NEGR1: variants seen among roughly 807,000 people sequenced by gnomAD.
The protein encoded by NEGR1 is neuronal growth regulator 1.
Under a neutral mutation model 40.9 loss-of-function variants are expected in NEGR1, and 10 were observed. That is an observed-to-expected ratio of 0.24 (90% confidence interval 0.15 to 0.42). NEGR1 has a LOEUF of 0.42. Ranked by LOEUF, NEGR1 falls within the 10% of genes least tolerant of loss-of-function variation. NEGR1 has a pLI of 1.00. For synonymous variants in NEGR1, 185 were observed against 166.8 expected (o/e 1.11, Z -0.84); for missense variants, 352 against 438.9 (o/e 0.80, Z 1.77).
intron 6 of NEGR1, among the ~76,000 whole-genome samples, chr1:71,588,090 G>GTTT (rs1649366779): frequency 6.6e-6 from 1 of 152,072 alleles, no homozygotes; most frequent in Non-Finnish European, 1.5e-5. Context: ...AAATAACTAT[G>GTTT]TTTTACTGAT....
At chr1:72,023,648 A>C (rs1025995266) in intron 1 of NEGR1, among the ~76,000 whole-genome samples, 1 of 132,738 alleles carries the variant, frequency 7.5e-6, no homozygotes, top group East Asian at 2.0e-4. Context: ...AAAACATTTT[A>C]GTAAAAAAAA....
chr1:72,134,212 T>C (rs1203879649), intron 1 of NEGR1, among the ~76,000 whole-genome samples: 2 of 151,204 alleles, frequency 1.3e-5, no homozygotes, highest in African/African-American at 2.4e-5. Context: ...GTTTTTTTTT[T>C]CTTTTTTTTT....
intron 4 of NEGR1, among the ~76,000 whole-genome samples, chr1:71,625,807 T>A (rs1650755605): frequency 6.6e-6 from 1 of 151,976 alleles, no homozygotes; most frequent in Admixed American, 6.6e-5. Context: ...AATGTCTGCA[T>A]ATATTGCTTT....
intron 2 of NEGR1, among the ~76,000 whole-genome samples, chr1:71,783,333 T>C (rs1201400197): frequency 6.6e-6 from 1 of 152,142 alleles, no homozygotes; most frequent in African/African-American, 2.4e-5. Flanking sequence ...ATAACAAACC[T>C]CCTGGAAAAG....
At chr1:72,083,053 T>A (rs1183581112) in intron 1 of NEGR1, among the ~76,000 whole-genome samples, 1 of 152,140 alleles carries the variant, frequency 6.6e-6, no homozygotes, top group Non-Finnish European at 1.5e-5. Flanking sequence ...TGACCTGAAA[T>A]CAATTAAATA....
At chr1:72,130,077 T>C (rs538381966) in intron 1 of NEGR1, among the ~76,000 whole-genome samples, 2 of 152,292 alleles carry the variant, frequency 1.3e-5, no homozygotes, top group East Asian at 3.9e-4. Context: ...TGCTTCATAT[T>C]TTCACTTTGA....
chr1:72,129,256 A>G (rs77766731), intron 1 of NEGR1, among the ~76,000 whole-genome samples: 2,476 of 152,278 alleles, frequency 0.016, 69 homozygotes, highest in African/African-American at 0.057. Context: ...ACTATTGTTA[A>G]ACTTCATTAA....
chr1:71,499,664 C>G, intron 6 of NEGR1, among the ~76,000 whole-genome samples: 1 of 151,830 alleles, frequency 6.6e-6, no homozygotes, highest in East Asian at 1.9e-4. Flanking sequence ...ATCATTTCTT[C>G]CTGAGCCCTG....
chr1:72,056,180 T>C (rs1444308678), intron 1 of NEGR1, among the ~76,000 whole-genome samples: 3 of 151,254 alleles, frequency 2.0e-5, no homozygotes, highest in Non-Finnish European at 4.4e-5. Flanking sequence ...GATGTTCTTG[T>C]TTTAGCTAAT....
intron 1 of NEGR1, among the ~76,000 whole-genome samples, chr1:72,215,163 T>C (rs1008244322): frequency 6.6e-6 from 1 of 152,110 alleles, no homozygotes. Flanking sequence ...GCTAGCCATA[T>C]GCAGAAAATA....
chr1:72,250,693 TTTTC>T (rs1369996410), intron 1 of NEGR1, among the ~76,000 whole-genome samples: 2 of 152,198 alleles, frequency 1.3e-5, no homozygotes, highest in African/African-American at 2.4e-5. Context: ...CGTGAAATTC[TTTTC>T]TTTGTCCATT....
chr1:72,249,824 C>G (rs1310768890), intron 1 of NEGR1, among the ~76,000 whole-genome samples: 2 of 152,124 alleles, frequency 1.3e-5, no homozygotes, highest in African/African-American at 2.4e-5. Context: ...GGAAGTTATT[C>G]TGATATCTTT....
intron 1 of NEGR1, among the ~76,000 whole-genome samples, chr1:71,943,726 C>A (rs1645993091): frequency 6.6e-6 from 1 of 152,056 alleles, no homozygotes; most frequent in Non-Finnish European, 1.5e-5. Context: ...CATTTTTGGT[C>A]TGTTACTAAT....
At chr1:71,909,395 C>T (rs549651464) in intron 2 of NEGR1, among the ~76,000 whole-genome samples, 2 of 152,300 alleles carry the variant, frequency 1.3e-5, no homozygotes, top group South Asian at 4.1e-4. Context: ...AAATCCTGGA[C>T]TAAACCATAG....
At chr1:72,044,136 TA>T (rs1646980284) in intron 1 of NEGR1, among the ~76,000 whole-genome samples, 1 of 151,656 alleles carries the variant, frequency 6.6e-6, no homozygotes, top group African/African-American at 2.4e-5. Context: ...GAGTTTCAGT[TA>T]ATATTTATAA....
At chr1:71,677,135 G>C (rs185726655) in intron 4 of NEGR1, among the ~76,000 whole-genome samples, 174 of 152,202 alleles carry the variant, frequency 1.1e-3, no homozygotes, top group Non-Finnish European at 2.1e-3. Context: ...GCTCCAAGCT[G>C]GTGCATTGTT....
chr1:71,519,744 A>T (rs983968733), intron 6 of NEGR1, among the ~76,000 whole-genome samples: 46 of 143,794 alleles, frequency 3.2e-4, no homozygotes, highest in African/African-American at 5.8e-4. Flanking sequence ...AAAAAAAAAA[A>T]TTAAAAAAAA....
At chr1:71,492,441 G>C (rs1400351008) in intron 6 of NEGR1, among the ~76,000 whole-genome samples, 1 of 151,734 alleles carries the variant, frequency 6.6e-6, no homozygotes. Context: ...AGATCTCATA[G>C]TTAGCTAGGT....
chr1:71,497,492 G>T (rs1012526359), intron 6 of NEGR1, among the ~76,000 whole-genome samples: 8 of 151,706 alleles, frequency 5.3e-5, no homozygotes, highest in Admixed American at 1.3e-4. Context: ...TTTGAAACAG[G>T]GTTATTGATC....
Sources: gnomAD v4.1 joint callset for allele counts (sites outside exome capture counted in the v4.1 genomes callset) on GRCh38, gnomAD v4.1.1 for gene constraint, MANE v1.5 for transcripts, NCBI Gene and HGNC (gene_info 2026-07-23, HGNC 2026-07-21) for gene names.